Variants in SIPA1L1 observed in about 807,000 individuals in gnomAD.
SIPA1L1 encodes the protein signal-induced proliferation-associated 1-like protein 1.
A neutral mutation model predicts 162.7 loss-of-function variants in SIPA1L1; 26 were observed. The observed-to-expected ratio is 0.16, with a 90% CI of 0.12 to 0.22. The LOEUF (loss-of-function observed/expected upper bound fraction) is 0.22, where lower values mean the gene tolerates loss of function less well. Ranked by LOEUF, SIPA1L1 falls within the 10% of genes least tolerant of loss-of-function variation. The probability of loss-of-function intolerance (pLI) is 1.00; values close to 1 mark genes in which losing one functional copy is unlikely to be tolerated. For missense variants in SIPA1L1, 1,874 were observed against 2,241.0 expected (o/e 0.84, Z 3.31); for synonymous variants, 829 against 837.4 (o/e 0.99, Z 0.17).
At chr14:71,375,347 C>T (rs753820533) in intron 2 of SIPA1L1, among the ~76,000 whole-genome samples, 2 of 152,076 alleles carry the variant, frequency 1.3e-5, no homozygotes, top group Non-Finnish European at 2.9e-5. Context: ...TACCAATATC[C>T]ATCTGCCCAT....
chr14:71,558,863 T>C (rs2056560429), intron 4 of SIPA1L1, among the ~76,000 whole-genome samples: 1 of 152,116 alleles, frequency 6.6e-6, no homozygotes, highest in Non-Finnish European at 1.5e-5. Flanking sequence ...TTCTTATTTT[T>C]TGTAGAGACA....
chr14:71,387,716 G>A (rs900150299), intron 2 of SIPA1L1, among the ~76,000 whole-genome samples: 16 of 152,284 alleles, frequency 1.1e-4, no homozygotes, highest in African/African-American at 3.9e-4. Flanking sequence ...AATGTGTTAC[G>A]ATTTCTGTTC....
At chr14:71,557,760 T>A (rs2056466611) in intron 4 of SIPA1L1, among the ~76,000 whole-genome samples, 1 of 152,352 alleles carries the variant, frequency 6.6e-6, no homozygotes, top group African/African-American at 2.4e-5. Flanking sequence ...AAACCTACCT[T>A]ACTTTCCTGT....
chr14:71,344,800 A>C (rs922453965), intron 2 of SIPA1L1, among the ~76,000 whole-genome samples: 4 of 152,110 alleles, frequency 2.6e-5, no homozygotes, highest in Non-Finnish European at 5.9e-5. Flanking sequence ...TGCTGAGCTC[A>C]AGTGATCCGC....
chr14:71,733,582 T>A, intron 20 of SIPA1L1, 84 bp from the exon 21 acceptor site: 1 of 1,363,488 alleles, frequency 7.3e-7, no homozygotes, highest in Non-Finnish European at 1.0e-6. Flanking sequence ...GCTTACAATC[T>A]ATTGTGGTAA....
rs8005392 is a variant in SIPA1L1, at chr14:71,521,570, C to T, written c.-361-7742C>T. Among the ~76,000 whole-genome samples the T allele has an allele frequency of 7.4e-3, 1,131 of 152,290 alleles. 15 individuals carry two copies. The highest frequency in any genetic ancestry group is 0.026 in the African/African-American group (1,066 of 41,560). ...ATAGTAGAAGGACAGGAGAAGGTTG[C>T]TTCTGTGGTTTTCTCAAATGCTAAG... On this transcript the variant is annotated intron_variant, in intron 3 of 23. Transcript: ENST00000381232.
Position 71,709,894 on chromosome 14 carries a change from A to G in SIPA1L1, c.4208+230A>G, listed in dbSNP as rs146783470. Among the ~76,000 whole-genome samples, 22 of 152,328 alleles carry G rather than the reference A, an allele frequency of 1.4e-4. No homozygotes were observed. The East Asian group carries it at 4.2e-3, about 29-fold the overall frequency. ...AATTTTGCAGATTTATTCTTTTTAAAGTTGGATTTGATTTTTAAAATAATG... is the reference window on the plus strand; with the variant it reads ...AATTTTGCAGATTTATTCTTTTTAAGGTTGGATTTGATTTTTAAAATAATG... On this transcript the variant is annotated intron_variant, in intron 17 of 23. Transcript: ENST00000381232.
Position 71,658,250 on chromosome 14 carries a change from CTT to C in SIPA1L1, c.1994-80_1994-79del, listed in dbSNP as rs1308238125. ...ATCCTAAATCATTTTCTTTTCTTCTCTTTTCTTTTTTGAGATATTTCTCTTAA... is the reference window on the plus strand; with the variant it reads ...ATCCTAAATCATTTTCTTTTCTTCTCTTCTTTTTTGAGATATTTCTCTTAA... On this transcript the variant is annotated intron_variant, in intron 8 of 23. Transcript: ENST00000381232. 12 of 738,056 alleles carry C rather than the reference CTT, an allele frequency of 1.6e-5. No homozygotes were observed. The East Asian group carries it at 3.3e-4, about 20-fold the overall frequency. The allele number at this position is 738,056 out of a possible 1,614,324, so 45.7% of individuals were successfully genotyped here. A position where few individuals can be genotyped will look rare whatever the true frequency, so the allele number is the denominator to read the frequency against.
chr14:71,422,002 C>A (rs149171934), intron 2 of SIPA1L1, among the ~76,000 whole-genome samples: 120 of 152,334 alleles, frequency 7.9e-4, no homozygotes, highest in African/African-American at 2.8e-3. Context: ...GTAATCCCAG[C>A]ACAGTGGGAA....
At chr14:71,505,402 T>G (rs2050576785) in intron 2 of SIPA1L1, among the ~76,000 whole-genome samples, 1 of 151,068 alleles carries the variant, frequency 6.6e-6, no homozygotes, top group Admixed American at 6.6e-5. Context: ...CATTGGGATC[T>G]CACAGCTCTC....
chr14:71,337,264 GT>G (rs1349296561), intron 2 of SIPA1L1, among the ~76,000 whole-genome samples: 3 of 152,062 alleles, frequency 2.0e-5, no homozygotes, highest in African/African-American at 7.2e-5. Context: ...TCTTCAGTTC[GT>G]TTTCAGTTTT....
At chr14:71,541,853 G>A (rs1295915812) in intron 4 of SIPA1L1, among the ~76,000 whole-genome samples, 1 of 152,154 alleles carries the variant, frequency 6.6e-6, no homozygotes, top group African/African-American at 2.4e-5. Context: ...GCCAGTTATT[G>A]TGTCATTATT....
chr14:71,403,877 G>A (rs967733855), intron 2 of SIPA1L1, among the ~76,000 whole-genome samples: 1 of 151,972 alleles, frequency 6.6e-6, no homozygotes, highest in Non-Finnish European at 1.5e-5. Context: ...TATGATCACT[G>A]TATTTCCTCC....
intron 4 of SIPA1L1, among the ~76,000 whole-genome samples, chr14:71,563,673 A>G (rs568990539): frequency 1.3e-5 from 2 of 152,166 alleles, no homozygotes; most frequent in East Asian, 1.9e-4. Context: ...GTGGATTTCA[A>G]TTCATTCCTT....
At chr14:71,421,811 T>C (rs1412011082) in intron 2 of SIPA1L1, among the ~76,000 whole-genome samples, 2 of 152,026 alleles carry the variant, frequency 1.3e-5, no homozygotes, top group Non-Finnish European at 2.9e-5. Flanking sequence ...ATGTAGAAGA[T>C]GGTTGTGTAA....
chr14:71,504,241 G>T (rs1416187170), intron 2 of SIPA1L1, among the ~76,000 whole-genome samples: 1 of 151,866 alleles, frequency 6.6e-6, no homozygotes, highest in East Asian at 1.9e-4. Context: ...TTTTTCCTGT[G>T]CTGTAACATG....
intron 2 of SIPA1L1, among the ~76,000 whole-genome samples, chr14:71,460,377 A>G (rs1468246053): frequency 1.3e-5 from 2 of 152,130 alleles, no homozygotes; most frequent in Non-Finnish European, 2.9e-5. Context: ...TTTCCCATTG[A>G]TCTTAATCAC....
At chr14:71,429,529 A>C (rs2043830264) in intron 2 of SIPA1L1, among the ~76,000 whole-genome samples, 1 of 150,460 alleles carries the variant, frequency 6.6e-6, no homozygotes, top group African/African-American at 2.5e-5. Flanking sequence ...CATTTTTCCC[A>C]TTGCTGAACT....
chr14:71,405,943 T>G (rs994895796), intron 2 of SIPA1L1, among the ~76,000 whole-genome samples: 2 of 152,222 alleles, frequency 1.3e-5, no homozygotes, highest in Non-Finnish European at 2.9e-5. Context: ...AGATGTAGTT[T>G]ACTAACCTTT....
Sources: allele counts gnomAD v4.1 joint callset (sites outside exome capture counted in the v4.1 genomes callset), GRCh38; gene constraint gnomAD v4.1.1; transcripts MANE v1.5; gene names NCBI Gene and HGNC (gene_info 2026-07-23, HGNC 2026-07-21).